SLC71A2: variants seen among roughly 807,000 people sequenced by gnomAD.
SLC71A2 encodes the protein hippocampus abundant transcript-like 1.
At chr9:94,391,890 T>A in the SLC71A2 span, among the ~76,000 whole-genome samples, 3 of 152,028 alleles carry the variant, frequency 2.0e-5, no homozygotes, top group African/African-American at 4.8e-5. Context: ...AAAAAAAATT[T>A]TTTTTTTTGT....
At chr9:94,381,352 C>CTTT in the SLC71A2 span, among the ~76,000 whole-genome samples, 1 of 133,616 alleles carries the variant, frequency 7.5e-6, no homozygotes, top group Non-Finnish European at 1.5e-5. Context: ...AATTTTCTAG[C>CTTT]TTTTTTTTTT....
the SLC71A2 span, among the ~76,000 whole-genome samples, chr9:94,413,970 G>A: frequency 6.6e-6 from 1 of 152,120 alleles, no homozygotes; most frequent in African/African-American, 2.4e-5. Context: ...ATTTCTCCTT[G>A]TGGTAGTCTT....
At chr9:94,434,111 AAT>A in the SLC71A2 span, among the ~76,000 whole-genome samples, 5 of 152,284 alleles carry the variant, frequency 3.3e-5, no homozygotes, top group Admixed American at 6.5e-5. Context: ...TAAAAGAAAA[AAT>A]TGTGAAATAA....
the SLC71A2 span, chr9:94,456,483 A>G: frequency 4.9e-6 from 3 of 611,522 alleles, no homozygotes; most frequent in South Asian, 4.0e-5. Flanking sequence ...TTTGGCAGAT[A>G]GGAACATTCT....
the SLC71A2 span, among the ~76,000 whole-genome samples, chr9:94,424,926 A>G: frequency 6.7e-6 from 1 of 150,260 alleles, no homozygotes; most frequent in African/African-American, 2.5e-5. Context: ...TTTAAATAAT[A>G]AATATCGGGT....
chr9:94,460,318 G>A, the SLC71A2 span: 2 of 152,614 alleles, frequency 1.3e-5, no homozygotes, highest in African/African-American at 4.8e-5. Flanking sequence ...ATTATGATTT[G>A]CTTCTTCCCA....
At chr9:94,440,050 T>G in the SLC71A2 span, among the ~76,000 whole-genome samples, 4 of 152,232 alleles carry the variant, frequency 2.6e-5, no homozygotes, top group African/African-American at 9.6e-5. Flanking sequence ...GTTTTTAGAC[T>G]GAAAAATATT....
chr9:94,429,523 G>A, the SLC71A2 span, among the ~76,000 whole-genome samples: 133 of 151,874 alleles, frequency 8.8e-4, no homozygotes, highest in Middle Eastern at 6.8e-3. Flanking sequence ...TAATTATTAT[G>A]TAACTTTTAA....
At chr9:94,418,038 G>T in the SLC71A2 span, among the ~76,000 whole-genome samples, 1 of 151,980 alleles carries the variant, frequency 6.6e-6, no homozygotes, top group Admixed American at 6.6e-5. Flanking sequence ...TGTATTTTTA[G>T]TAGAGACGAC....
chr9:94,441,567 T>A, the SLC71A2 span, among the ~76,000 whole-genome samples: 2 of 152,344 alleles, frequency 1.3e-5, no homozygotes, highest in Admixed American at 6.5e-5. Context: ...TTGAATTTTT[T>A]AAAAAATTAG....
At chr9:94,454,033 C>T in the SLC71A2 span, 1 of 1,614,004 alleles carries the variant, frequency 6.2e-7, no homozygotes, top group South Asian at 1.1e-5. Context: ...CTTCCAGATG[C>T]TCCAGTTAGC....
the SLC71A2 span, among the ~76,000 whole-genome samples, chr9:94,407,304 CTG>C: frequency 2.0e-5 from 3 of 151,728 alleles, no homozygotes; most frequent in South Asian, 6.2e-4. Flanking sequence ...GCTTAATAAA[CTG>C]TTGAATTTGG....
the SLC71A2 span, among the ~76,000 whole-genome samples, chr9:94,439,307 CA>C: frequency 5.3e-5 from 6 of 113,032 alleles, no homozygotes; most frequent in East Asian, 9.1e-4. Flanking sequence ...GTGCGCAGCC[CA>C]ATTTTTTTTT....
the SLC71A2 span, among the ~76,000 whole-genome samples, chr9:94,442,429 C>T: frequency 6.6e-6 from 1 of 152,170 alleles, no homozygotes; most frequent in Non-Finnish European, 1.5e-5. Flanking sequence ...CCCTCCACTC[C>T]TGAATGTCCC....
chr9:94,442,714 G>A, the SLC71A2 span, among the ~76,000 whole-genome samples: 1 of 151,990 alleles, frequency 6.6e-6, no homozygotes, highest in Admixed American at 6.6e-5. Flanking sequence ...GCCGAGCGTG[G>A]TGGTGTGCGC....
At chr9:94,382,623 T>C in the SLC71A2 span, among the ~76,000 whole-genome samples, 2 of 151,998 alleles carry the variant, frequency 1.3e-5, no homozygotes, top group Non-Finnish European at 2.9e-5. Context: ...ATTTAAGAAA[T>C]TGTTGCCTAA....
chr9:94,424,432 A>G, the SLC71A2 span, among the ~76,000 whole-genome samples: 33 of 151,932 alleles, frequency 2.2e-4, no homozygotes, highest in African/African-American at 6.5e-4. Flanking sequence ...ACTGGGTTTC[A>G]CCATGTTGGC....
the SLC71A2 span, among the ~76,000 whole-genome samples, chr9:94,447,445 G>T: frequency 6.7e-6 from 1 of 149,522 alleles, no homozygotes. Flanking sequence ...CTCCCAAAAT[G>T]CTGGGATTAC....
the SLC71A2 span, among the ~76,000 whole-genome samples, chr9:94,448,171 G>T: frequency 6.6e-6 from 1 of 152,038 alleles, no homozygotes; most frequent in African/African-American, 2.4e-5. Flanking sequence ...CCTTGTTCCA[G>T]GTCTGATTGA....
Sources: gnomAD v4.1 joint callset for allele counts (sites outside exome capture counted in the v4.1 genomes callset) on GRCh38, gnomAD v4.1.1 for gene constraint, MANE v1.5 for transcripts, NCBI Gene and HGNC (gene_info 2026-07-23, HGNC 2026-07-21) for gene names.